DOCK2: variants seen among roughly 807,000 people sequenced by gnomAD.
DOCK2 encodes dedicator of cytokinesis 2, also known as dedicator of cytokinesis protein 2.
DOCK2 carries 87 observed loss-of-function variants against 248.9 expected under a neutral mutation model. That is an observed-to-expected ratio of 0.35 (90% CI 0.29 to 0.42). The LOEUF (loss-of-function observed/expected upper bound fraction) is 0.42. Among genes scored for constraint, DOCK2 ranks in the 10% least tolerant of loss-of-function variants. The probability of loss-of-function intolerance (pLI) is 1.00; values close to 1 mark genes in which losing one functional copy is unlikely to be tolerated. For missense variants in DOCK2, 1,747 were observed against 2,300.2 expected, an observed-to-expected ratio of 0.76 and a Z score of 4.92; for synonymous variants, 805 against 821.6, an observed-to-expected ratio of 0.98 and a Z score of 0.35.
At chr5:169,820,256 A>G (rs977746018) in intron 26 of DOCK2, among the ~76,000 whole-genome samples, 5 of 152,204 alleles carry the variant, frequency 3.3e-5, no homozygotes. Flanking sequence ...CCTGTCTGAC[A>G]GCTTTGAAGA....
rs147284905 is a variant in DOCK2 at position 169,762,679 on chromosome 5, G to A, written c.2554+1054G>A. Among the ~76,000 whole-genome samples the A allele has an allele frequency of 4.4e-4, 67 of 152,292 alleles. No homozygotes were observed. In the East Asian group the frequency reaches 0.012, roughly 27 times the overall value. On this transcript the variant is annotated intron_variant, in intron 25 of 51. Transcript: ENST00000520908. The stretch of plus-strand genomic sequence containing the variant: ...CATTCCTTCACTCCTTTCTGTAAGG[G>A]TGAAGAAATGACTTTTCAGGGTCAG...
chr5:169,889,464 A>G (rs1773162649), intron 27 of DOCK2, among the ~76,000 whole-genome samples: 1 of 152,230 alleles, frequency 6.6e-6, no homozygotes, highest in Non-Finnish European at 1.5e-5. Flanking sequence ...TGCCAACCTC[A>G]TATGGAATCT....
intron 40 of DOCK2, 108 bp from the exon 41 acceptor site, chr5:170,050,148 C>A: frequency 7.0e-7 from 1 of 1,420,340 alleles, no homozygotes; most frequent in Non-Finnish European, 9.7e-7. Context: ...GAGTGATGCA[C>A]TGGACATCCC....
At chr5:170,000,135 G>A (rs1333792331) in intron 30 of DOCK2, 1 of 152,182 alleles carries the variant, frequency 6.6e-6, no homozygotes, top group African/African-American at 2.4e-5. Flanking sequence ...TTGTTTAAGA[G>A]CAATTCTTAT....
intron 27 of DOCK2, among the ~76,000 whole-genome samples, chr5:169,937,136 G>A (rs1346781362): frequency 1.3e-5 from 2 of 152,184 alleles, no homozygotes; most frequent in African/African-American, 4.8e-5. Context: ...AAGTTTTACT[G>A]CGGCACAGAT....
At chr5:169,755,461 G>A (rs1022884882) in intron 23 of DOCK2, among the ~76,000 whole-genome samples, 3 of 152,086 alleles carry the variant, frequency 2.0e-5, no homozygotes, top group Middle Eastern at 3.2e-3. Context: ...ATAATAGAAC[G>A]GCTGGGCACG....
chr5:169,969,401 C>G (rs560736093), intron 27 of DOCK2, among the ~76,000 whole-genome samples: 6 of 151,864 alleles, frequency 4.0e-5, no homozygotes, highest in African/African-American at 1.5e-4. Context: ...GCCGAGATCA[C>G]GCCACTGCAC....
chr5:169,997,445 G>T (rs1007840456), intron 30 of DOCK2, among the ~76,000 whole-genome samples: 17 of 145,974 alleles, frequency 1.2e-4, no homozygotes, highest in Non-Finnish European at 2.2e-4. Context: ...GCTGGGGGAC[G>T]GTCAGGTCTT....
At chr5:169,886,976 G>A (rs112724662) in intron 27 of DOCK2, among the ~76,000 whole-genome samples, 8 of 152,226 alleles carry the variant, frequency 5.3e-5, no homozygotes, top group African/African-American at 1.2e-4. Context: ...AGGCAGGTGC[G>A]ATCAGTTCCC....
intron 27 of DOCK2, among the ~76,000 whole-genome samples, chr5:169,921,144 C>A (rs193130950): frequency 1.5e-4 from 23 of 152,250 alleles, no homozygotes; most frequent in Admixed American, 1.5e-3. Context: ...GGAATGAATG[C>A]AATGTTAGCC....
intron 50 of DOCK2, 88 bp downstream of exon 50, chr5:170,080,371 T>G: frequency 6.4e-7 from 1 of 1,569,490 alleles, no homozygotes; most frequent in Non-Finnish European, 8.7e-7. Flanking sequence ...GAACTGTGTC[T>G]ACACAACAAA....
In DOCK2 at chr5:170,057,539, T is replaced by C. The variant is rs369608815; in HGVS notation, c.4381-41T>C. 1,519 of 1,584,136 alleles carry C rather than the reference T, an allele frequency of 9.6e-4. 27 individuals carry two copies. The South Asian group carries it at 0.016, about 17-fold the overall frequency. On this transcript the variant is annotated intron_variant, in intron 43 of 51. Transcript: ENST00000520908. ...GATACCCAGGTTTCATAAATGTGTT[T>C]GTTGCTTTCCTGCCCTTGCCACCCC...
intron 27 of DOCK2, chr5:169,875,461 T>C: frequency 2.8e-6 from 1 of 360,830 alleles, no homozygotes; most frequent in Non-Finnish European, 5.5e-6. Flanking sequence ...AGACCTAATA[T>C]CCTTCAGATG....
intron 26 of DOCK2, among the ~76,000 whole-genome samples, chr5:169,809,100 T>C (rs1381597263): frequency 6.6e-6 from 1 of 152,086 alleles, no homozygotes; most frequent in Non-Finnish European, 1.5e-5. Context: ...AAGCAATTCT[T>C]GTGCCTCAGC....
chr5:169,929,752 A>AG (rs1338649494), intron 27 of DOCK2, among the ~76,000 whole-genome samples: 1 of 151,454 alleles, frequency 6.6e-6, no homozygotes, highest in Non-Finnish European at 1.5e-5. Flanking sequence ...AAAAAAAAAA[A>AG]AAAAAAAAAA....
chr5:169,894,836 C>T (rs1426409263), intron 27 of DOCK2, among the ~76,000 whole-genome samples: 5 of 151,944 alleles, frequency 3.3e-5, no homozygotes, highest in Admixed American at 6.6e-5. Flanking sequence ...AGAGTCCATG[C>T]GGGGGTTGTG....
chr5:170,077,882 T>A (rs956808081), intron 48 of DOCK2, 45 bp downstream of exon 48: 4 of 1,543,024 alleles, frequency 2.6e-6, no homozygotes, highest in Non-Finnish European at 3.5e-6. Context: ...CCTGCCTCCC[T>A]GGCTCTATCC....
At chr5:169,901,186 G>A (rs1471044884) in intron 27 of DOCK2, among the ~76,000 whole-genome samples, 2 of 152,152 alleles carry the variant, frequency 1.3e-5, no homozygotes. Flanking sequence ...GATGGGATGG[G>A]CATGAAAAGA....
At position 170,047,551 on chromosome 5, in the gene DOCK2, C is replaced by A; in HGVS notation, c.4008C>A (p.Leu1336=). ...AKFYESIMKI[L]RPKPDYFAVG... ...TCTATGAAAGCATCATGAAAATCCT[C>A]AGGCCCAAACCAGACTACTTTGCTG... Residue 1336 remains leucine (L), a synonymous_variant, in exon 40 of 52, where the codon CTC becomes CTA. Transcript: ENST00000520908. 1.9e-6 allele frequency: 3 copies of A among 1,613,690 alleles called. No homozygotes were observed. The highest frequency in any genetic ancestry group is 2.5e-6 in the Non-Finnish European group (3 of 1,179,798).
Sources: allele counts gnomAD v4.1 joint callset (sites outside exome capture counted in the v4.1 genomes callset), GRCh38; gene constraint gnomAD v4.1.1; transcripts MANE v1.5; gene names NCBI Gene and HGNC (gene_info 2026-07-23, HGNC 2026-07-21).